The following PTPRT variants were observed in gnomAD, a reference collection of about 807,000 sequenced individuals.
PTPRT encodes the protein receptor-type tyrosine-protein phosphatase T.
In PTPRT, 56 loss-of-function variants were observed where a neutral mutation model predicts 176.8. The observed-to-expected ratio is 0.32, with a 90% CI of 0.26 to 0.40. PTPRT has a LOEUF of 0.40. Among genes scored for constraint, PTPRT ranks in the 10% least tolerant of loss-of-function variants. The pLI is 1.00. For synonymous variants in PTPRT, 783 were observed against 739.0 expected (o/e 1.06, Z -0.96); for missense variants, 1,540 against 1,908.2 (o/e 0.81, Z 3.60).
At chr20:42,942,711 TGAC>T (rs1263505940) in intron 1 of PTPRT, among the ~76,000 whole-genome samples, 1 of 152,230 alleles carries the variant, frequency 6.6e-6, no homozygotes, top group Non-Finnish European at 1.5e-5. Context: ...TGTGGCTAAA[TGAC>T]CTTTAGCAAG....
chr20:42,314,484 G>A (rs1166281586), intron 12 of PTPRT, among the ~76,000 whole-genome samples: 8 of 141,450 alleles, frequency 5.7e-5, no homozygotes, highest in Non-Finnish European at 1.1e-4. Context: ...AGCCAAGATC[G>A]CACCACTGCA....
At chr20:42,179,062 T>C (rs1409047380) in intron 16 of PTPRT, among the ~76,000 whole-genome samples, 1 of 152,176 alleles carries the variant, frequency 6.6e-6, no homozygotes, top group African/African-American at 2.4e-5. Flanking sequence ...TATAAGAATG[T>C]GGCATAGGAG....
intron 15 of PTPRT, among the ~76,000 whole-genome samples, chr20:42,204,653 T>C (rs1195396510): frequency 2.0e-5 from 3 of 152,182 alleles, no homozygotes; most frequent in African/African-American, 7.2e-5. Context: ...CTTTGAGCTC[T>C]CTCTGACCTT....
intron 16 of PTPRT, among the ~76,000 whole-genome samples, chr20:42,168,876 T>A (rs1290531547): frequency 2.0e-5 from 3 of 152,220 alleles, no homozygotes; most frequent in Non-Finnish European, 4.4e-5. Flanking sequence ...TCTTACTCAA[T>A]GTAACAACAG....
At chr20:42,325,880 G>A (rs556829248) in intron 11 of PTPRT, among the ~76,000 whole-genome samples, 2 of 152,204 alleles carry the variant, frequency 1.3e-5, no homozygotes, top group East Asian at 3.9e-4. Context: ...CCTCTTTGCT[G>A]TTCCCTGAAC....
chr20:42,682,011 A>C (rs1355090962), intron 6 of PTPRT, among the ~76,000 whole-genome samples: 1 of 152,262 alleles, frequency 6.6e-6, no homozygotes, highest in African/African-American at 2.4e-5. Context: ...AGCCAGAAGC[A>C]TAGTGACCTG....
chr20:42,439,855 C>T (rs1046981795), intron 9 of PTPRT, among the ~76,000 whole-genome samples: 3 of 152,092 alleles, frequency 2.0e-5, no homozygotes, highest in Non-Finnish European at 2.9e-5. Flanking sequence ...GGTAACTAGA[C>T]GCCTATTTAT....
At position 42,974,002 on chromosome 20, in the gene PTPRT, T is replaced by A. The variant is rs187552390; in HGVS notation, c.89-88070A>T. On this transcript the variant is annotated intron_variant, in intron 1 of 30. Transcript: ENST00000373187. ...GTATTTGGGGAGACAGCTGAGAGTG[T>A]GTAGAATGAAAGCAGGGTAATCCCA... Among the ~76,000 whole-genome samples, 376 of 152,132 alleles carry A rather than the reference T, an allele frequency of 2.5e-3. 1 individual carries two copies. The highest frequency in any genetic ancestry group is 7.0e-3 in the Admixed American group (107 of 15,286).
In PTPRT at chr20:42,403,881, G is replaced by C. The variant is rs1392961803; in HGVS notation, c.1560+44339C>G. Among the ~76,000 whole-genome samples the C allele has an allele frequency of 2.0e-5, 3 of 152,094 alleles. No homozygotes were observed. The East Asian group carries it at 5.8e-4, about 29-fold the overall frequency. On this transcript the variant is annotated intron_variant, in intron 9 of 30. Coordinates refer to ENST00000373187, the MANE Select transcript of PTPRT (RefSeq NM_007050.6). ...CTTATCCTGCTGCCTTTTGTACTTA[G>C]AAAAATACTGGGCTCTTTTCTCCTC... is the stretch of plus-strand genomic sequence containing the variant.
chr20:42,456,026 T>A (rs2070917189), intron 8 of PTPRT, among the ~76,000 whole-genome samples: 1 of 152,090 alleles, frequency 6.6e-6, no homozygotes, highest in Admixed American at 6.5e-5. Context: ...GTCTTTATAA[T>A]AATAGTTTTC....
chr20:42,575,730 C>T (rs1479277666), intron 7 of PTPRT, among the ~76,000 whole-genome samples: 1 of 152,108 alleles, frequency 6.6e-6, no homozygotes, highest in Admixed American at 6.6e-5. Flanking sequence ...AAACTGCTTG[C>T]CAACCCCTGA....
chr20:42,407,957 A>G (rs2058977393), intron 9 of PTPRT, among the ~76,000 whole-genome samples: 1 of 152,194 alleles, frequency 6.6e-6, no homozygotes, highest in Non-Finnish European at 1.5e-5. Context: ...TTAAAAAGAT[A>G]TTAAAATGCA....
chr20:42,182,853 CAG>C, intron 16 of PTPRT, among the ~76,000 whole-genome samples: 1 of 151,662 alleles, frequency 6.6e-6, no homozygotes, highest in East Asian at 2.0e-4. Context: ...TGCTTCATTA[CAG>C]AGAGTTGGCC....
At chr20:42,240,675 TATCCATGCATTCATGC>T (rs2056334863) in intron 14 of PTPRT, among the ~76,000 whole-genome samples, 1 of 150,938 alleles carries the variant, frequency 6.6e-6, no homozygotes, top group Non-Finnish European at 1.5e-5. Context: ...TCCATGAACC[TATCCATGCATTCATGC>T]ATGCATGCAT....
Position 42,885,834 on chromosome 20 carries a change from G to C in PTPRT, c.187C>G (p.Pro63Ala), listed in dbSNP as rs904039899. 2.5e-6 allele frequency: 4 copies of C among 1,609,236 alleles called. No homozygotes were observed. In the African/African-American group the frequency reaches 5.4e-5, roughly 22 times the overall value. Residue 63 changes from proline (P) to alanine (A), a missense_variant, in exon 2 of 31, where the codon CCA (proline) becomes GCA (alanine). Around this residue, in one of 11 missense-constraint regions of PTPRT, gnomAD observed 116 missense variants for 118.5 expected, o/e 0.98. Transcript: ENST00000373187. ...GTGGGCACTGCCTGGTCCAGCATTG[G>C]TTTCTCCCATGTGTTAATCTGCTCC... The part of the protein sequence containing the change: ...TWEQINTWEK[P>A]MLDQAVPTGS...
chr20:42,085,208 G>T (rs990437813), intron 28 of PTPRT, among the ~76,000 whole-genome samples: 2 of 152,156 alleles, frequency 1.3e-5, no homozygotes, highest in Non-Finnish European at 2.9e-5. Flanking sequence ...CTCTGAGCAG[G>T]GGGGTAGGGG....
At chr20:42,672,593 G>A (rs567091656) in intron 7 of PTPRT, among the ~76,000 whole-genome samples, 3 of 152,208 alleles carry the variant, frequency 2.0e-5, no homozygotes, top group South Asian at 2.1e-4. Flanking sequence ...CACATCCCTC[G>A]ATTCCTATCT....
chr20:43,080,341 A>G (rs2011406201), intron 1 of PTPRT, among the ~76,000 whole-genome samples: 1 of 152,224 alleles, frequency 6.6e-6, no homozygotes, highest in African/African-American at 2.4e-5. Flanking sequence ...ACCTACAACC[A>G]ACATGCAACA....
At chr20:42,562,695 G>A (rs4810359) in intron 7 of PTPRT, among the ~76,000 whole-genome samples, 20,728 of 152,132 alleles carry the variant, frequency 0.14, 1,831 homozygotes, top group Admixed American at 0.27. Context: ...TTGATGCCCA[G>A]AGGCACCTGA....
Sources: gnomAD v4.1 joint callset for allele counts (sites outside exome capture counted in the v4.1 genomes callset) on GRCh38, gnomAD v4.1.1 for gene constraint, gnomAD v4.1.1 regional missense constraint, MANE v1.5 for transcripts, NCBI Gene and HGNC (gene_info 2026-07-23, HGNC 2026-07-21) for gene names.